The following TMTC2 variants were observed in gnomAD, a reference collection of about 807,000 sequenced individuals.
TMTC2 encodes protein O-mannosyl-transferase TMTC2.
In TMTC2, 43 loss-of-function variants were observed where a neutral mutation model predicts 82.4. That is an observed-to-expected ratio of 0.52 (90% confidence interval 0.41 to 0.67). The LOEUF (loss-of-function observed/expected upper bound fraction) is 0.67, where lower values mean the gene tolerates loss of function less well. Ranked by LOEUF, TMTC2 falls within the 30% of genes least tolerant of loss-of-function variation. The pLI, the probability that TMTC2 is intolerant of heterozygous loss-of-function variation, is 0.00. For missense variants in TMTC2, 919 were observed against 1,012.4 expected (o/e 0.91, Z 1.25); for synonymous variants, 408 against 381.9 (o/e 1.07, Z -0.80).
At chr12:82,898,420 A>T (rs1297161416) in intron 3 of TMTC2, among the ~76,000 whole-genome samples, 1 of 152,206 alleles carries the variant, frequency 6.6e-6, no homozygotes. Flanking sequence ...TTTGCATCAC[A>T]GTGTTGTTCT....
chr12:82,903,816 T>C (rs1274936038), intron 3 of TMTC2, among the ~76,000 whole-genome samples: 1 of 152,224 alleles, frequency 6.6e-6, no homozygotes, highest in African/African-American at 2.4e-5. Context: ...ATTACAGTCA[T>C]AGTCCTTCTC....
At chr12:83,124,751 A>G (rs1309657086) in intron 11 of TMTC2, among the ~76,000 whole-genome samples, 12 of 152,156 alleles carry the variant, frequency 7.9e-5, no homozygotes, top group Admixed American at 7.9e-4. Flanking sequence ...GGGGCTTCTT[A>G]GTACTGGCTG....
intron 3 of TMTC2, among the ~76,000 whole-genome samples, chr12:82,904,598 T>A (rs1159332589): frequency 6.6e-6 from 1 of 152,218 alleles, no homozygotes; most frequent in Non-Finnish European, 1.5e-5. Flanking sequence ...TCACAATGAC[T>A]CTTTGCATTT....
At chr12:82,708,452 T>C (rs1359928379) in intron 1 of TMTC2, among the ~76,000 whole-genome samples, 1 of 152,204 alleles carries the variant, frequency 6.6e-6, no homozygotes, top group Non-Finnish European at 1.5e-5. Context: ...GCAAGCATGC[T>C]GCCTAGGAGA....
At chr12:82,888,583 A>G (rs541407258) in intron 2 of TMTC2, among the ~76,000 whole-genome samples, 1 of 152,314 alleles carries the variant, frequency 6.6e-6, no homozygotes, top group Admixed American at 6.5e-5. Flanking sequence ...TGCACAGCTA[A>G]TTCTGTTGAC....
At chr12:82,963,353 G>T (rs1005493145) in intron 4 of TMTC2, among the ~76,000 whole-genome samples, 2 of 151,704 alleles carry the variant, frequency 1.3e-5, no homozygotes, top group Non-Finnish European at 2.9e-5. Flanking sequence ...GTTGATTGAA[G>T]GATTTTAATT....
intron 11 of TMTC2, among the ~76,000 whole-genome samples, chr12:83,065,678 A>G (rs1272373757): frequency 6.6e-6 from 1 of 151,792 alleles, no homozygotes; most frequent in African/African-American, 2.4e-5. Flanking sequence ...TTTGGAGGTT[A>G]CTTTAAATAG....
At chr12:82,796,204 G>A (rs1181068699) in intron 1 of TMTC2, among the ~76,000 whole-genome samples, 1 of 152,126 alleles carries the variant, frequency 6.6e-6, no homozygotes, top group Admixed American at 6.6e-5. Flanking sequence ...GGACGACCTG[G>A]CTGAATTCAT....
rs568620240 is a variant in TMTC2, at chr12:82,821,608, G to C, written c.84-35402G>C. On this transcript the variant is annotated intron_variant, in intron 1 of 11. Transcript: ENST00000321196. ...ATTCCTGCTATGTGGTAGGCGCATA[G>C]GAGTTTATAATCCCAGCACTTAGGG... Among the ~76,000 whole-genome samples the C allele has an allele frequency of 2.9e-3, 440 of 152,116 alleles. 1 individual carries two copies. Among genetic ancestry groups the C allele is most frequent in the Non-Finnish European group, 4.4e-3 (300 of 67,980 alleles).
intron 1 of TMTC2, among the ~76,000 whole-genome samples, chr12:82,755,767 A>G (rs1192532491): frequency 2.6e-5 from 4 of 152,128 alleles, no homozygotes; most frequent in African/African-American, 9.7e-5. Flanking sequence ...ACACCCTTGT[A>G]AGTTTAGTGT....
chr12:82,787,916 T>C (rs1002600476), intron 1 of TMTC2, among the ~76,000 whole-genome samples: 1 of 151,518 alleles, frequency 6.6e-6, no homozygotes, highest in Non-Finnish European at 1.5e-5. Context: ...CCATCTCAAA[T>C]AATAATAATA....
At chr12:83,101,612 G>A (rs746668315) in intron 11 of TMTC2, among the ~76,000 whole-genome samples, 7 of 152,084 alleles carry the variant, frequency 4.6e-5, no homozygotes, top group Admixed American at 6.6e-5. Context: ...ATAATACGTT[G>A]GAATCATAGA....
chr12:82,997,191 CT>C (rs1477692581), intron 8 of TMTC2, among the ~76,000 whole-genome samples: 3 of 132,640 alleles, frequency 2.3e-5, no homozygotes, highest in Admixed American at 1.6e-4. Flanking sequence ...CCCTCCCCCT[CT>C]CCCTCCCCCT....
chr12:83,072,367 T>A (rs145093552), intron 11 of TMTC2, among the ~76,000 whole-genome samples: 33 of 152,242 alleles, frequency 2.2e-4, no homozygotes, highest in African/African-American at 7.5e-4. Flanking sequence ...TATGAGAGAG[T>A]GCTTGATATA....
At chr12:82,864,663 A>G (rs1304400224) in intron 2 of TMTC2, among the ~76,000 whole-genome samples, 1 of 151,082 alleles carries the variant, frequency 6.6e-6, no homozygotes, top group Non-Finnish European at 1.5e-5. Context: ...CACCATGCCC[A>G]GCTAATTTTT....
At chr12:82,752,571 A>G (rs1013146796) in intron 1 of TMTC2, among the ~76,000 whole-genome samples, 2 of 152,134 alleles carry the variant, frequency 1.3e-5, no homozygotes, top group East Asian at 1.9e-4. Context: ...TCTTGGGAGC[A>G]TAAACTGGGG....
chr12:83,126,037 G>T (rs1449173200), intron 11 of TMTC2, among the ~76,000 whole-genome samples: 1 of 152,096 alleles, frequency 6.6e-6, no homozygotes, highest in Admixed American at 6.5e-5. Context: ...CCATCATTAA[G>T]AGAAGGTATT....
chr12:82,694,491 T>C (rs978624954), intron 1 of TMTC2, among the ~76,000 whole-genome samples: 1 of 152,234 alleles, frequency 6.6e-6, no homozygotes, highest in African/African-American at 2.4e-5. Flanking sequence ...GGATATGCTA[T>C]TTGCTTATGA....
chr12:82,879,280 G>T (rs78058641), intron 2 of TMTC2, among the ~76,000 whole-genome samples: 8,107 of 152,202 alleles, frequency 0.053, 604 homozygotes, highest in African/African-American at 0.16. Flanking sequence ...TATAGCCGTG[G>T]TCCCCAACCT....
Sources: gnomAD v4.1 joint callset for allele counts (sites outside exome capture counted in the v4.1 genomes callset) on GRCh38, gnomAD v4.1.1 for gene constraint, MANE v1.5 for transcripts, NCBI Gene and HGNC (gene_info 2026-07-23, HGNC 2026-07-21) for gene names.